The following HRH4 variants were observed in gnomAD, a reference collection of about 807,000 sequenced individuals.
HRH4 encodes histamine H4 receptor.
A neutral mutation model predicts 10.4 loss-of-function variants in HRH4; 12 were observed. The ratio of observed to expected loss-of-function variants is 1.15; its 90% confidence interval spans 0.74 to 1.87. HRH4 has a LOEUF of 1.87. Ranked by LOEUF, HRH4 falls within the 40% of genes most tolerant of loss-of-function variation. HRH4 has a pLI of 0.00. For synonymous variants in HRH4, 154 were observed against 166.6 expected (o/e 0.92, Z 0.58); for missense variants, 415 against 453.3 (o/e 0.92, Z 0.77).
chr18:24,475,993 C>T (rs1023713273), intron 2 of HRH4, among the ~76,000 whole-genome samples: 2 of 151,872 alleles, frequency 1.3e-5, no homozygotes, highest in Non-Finnish European at 2.9e-5. Context: ...GGGTGACAAG[C>T]GTGAAACTGT....
chr18:24,474,393 G>T (rs180954322), intron 2 of HRH4, among the ~76,000 whole-genome samples: 40 of 151,376 alleles, frequency 2.6e-4, no homozygotes, highest in Admixed American at 1.4e-3. Context: ...CAGTTAAAAA[G>T]AAAACTTAGT....
rs182057608 is a variant in HRH4, at chr18:24,475,116, A to G, written c.358-1631A>G. On this transcript the variant is annotated intron_variant, in intron 2 of 2. Coordinates refer to ENST00000256906, the MANE Select transcript of HRH4 (RefSeq NM_021624.4). ...AGAAGACATTATTAAAGATTTCAGG[A>G]TTGACATAAGGATTGTGGGTCCTGT... 3.4e-4 allele frequency among the ~76,000 whole-genome samples: 51 copies of G among 152,238 alleles called. 1 individual carries two copies. Among genetic ancestry groups the G allele is most frequent in the Non-Finnish European group, 6.6e-4 (45 of 68,010 alleles).
Position 24,476,821 on chromosome 18 carries a change from CT to C in HRH4, c.434del (p.Leu145Ter). On this transcript the variant is annotated frameshift_variant, in exon 3 of 3. Coordinates refer to ENST00000256906, the MANE Select transcript of HRH4 (RefSeq NM_021624.4). LOFTEE classifies it low-confidence loss of function (END_TRUNC). ...TGGTGGCCGTTTGGGTGCTGGCCTT[CT>C]TAGTGAATGGGCCAATGATTCTAGT... ...LMVAVWVLAFLVNGPMILVSE... is the reference protein window; with the variant it reads ...LMVAVWVLAFXVNGPMILVSE... The C allele has an allele frequency of 6.2e-7, 1 of 1,614,134 alleles. No homozygotes were observed. The highest frequency in any genetic ancestry group is 8.5e-7 in the Non-Finnish European group (1 of 1,180,006).
In HRH4 at chr18:24,477,004, TC is replaced by T; in HGVS notation, c.616del (p.His206IlefsTer11). 2 of 1,614,208 alleles carry T rather than the reference TC, an allele frequency of 1.2e-6. No individual in the cohort carries two copies. The highest frequency in any genetic ancestry group is 1.7e-6 in the Non-Finnish European group (2 of 1,180,030). On this transcript the variant is annotated frameshift_variant, in exon 3 of 3. Transcript: ENST00000256906. LOFTEE classifies it low-confidence loss of function (END_TRUNC). ...TTTATTGGAGCCTGTGGAAGCGTGA[TC>T]ATCTCAGTAGGTGCCAAAGCCATCC... is the stretch of plus-strand genomic sequence containing the variant. ...NIYWSLWKRD[H>X]LSRCQSHPGL...
In HRH4 at chr18:24,479,202, G is replaced by C. The variant is rs1910240172; in HGVS notation, c.*1640G>C. 1 of 151,424 alleles carries C rather than the reference G, an allele frequency of 6.6e-6. No individual in the cohort carries two copies. Among genetic ancestry groups the C allele is most frequent in the Non-Finnish European group, 1.5e-5 (1 of 67,858 alleles). 9.4% of individuals were successfully genotyped at this position (151,424 alleles called of 1,614,324 possible). On this transcript the variant is annotated 3_prime_UTR_variant, in exon 3 of 3. Coordinates refer to ENST00000256906, the MANE Select transcript of HRH4 (RefSeq NM_021624.4). ...TTGGCCAGACTGGTCTCAAACTCCT[G>C]GGCTGAAACAATCCTCCCGCCTTGG...
chr18:24,470,472 A>G (rs1909901949), intron 2 of HRH4, among the ~76,000 whole-genome samples: 1 of 150,164 alleles, frequency 6.7e-6, no homozygotes, highest in South Asian at 2.1e-4. Flanking sequence ...TATTTGCCCA[A>G]ACAGGTGGTG....
At position 24,463,514 on chromosome 18, in the gene HRH4, C is replaced by T. The variant is rs115889243; in HGVS notation, c.193+2593C>T. Among the ~76,000 whole-genome samples, 1,059 of 152,278 alleles carry T rather than the reference C, an allele frequency of 7.0e-3. 17 individuals carry two copies. The highest frequency in any genetic ancestry group is 0.024 in the African/African-American group (983 of 41,552). ...CCTTTTGTCTCAGCCTGGAAGAAGGCGTGGACGTGGTGAGCATGCAGGGCA... is the reference window on the plus strand; with the variant it reads ...CCTTTTGTCTCAGCCTGGAAGAAGGTGTGGACGTGGTGAGCATGCAGGGCA... On this transcript the variant is annotated intron_variant, in intron 1 of 2. Transcript: ENST00000256906.
At chr18:24,462,263 G>A (rs1427105015) in intron 1 of HRH4, among the ~76,000 whole-genome samples, 1 of 152,188 alleles carries the variant, frequency 6.6e-6, no homozygotes, top group Non-Finnish European at 1.5e-5. Flanking sequence ...TCTATAAAGT[G>A]AGGGCCTTTA....
intron 1 of HRH4, among the ~76,000 whole-genome samples, chr18:24,465,008 T>G (rs1909736779): frequency 1.3e-5 from 2 of 152,010 alleles, no homozygotes; most frequent in Admixed American, 1.3e-4. Flanking sequence ...ATTTGAAGCC[T>G]GGGCGTGGTG....
At chr18:24,472,289 G>T (rs963089238) in intron 2 of HRH4, among the ~76,000 whole-genome samples, 1 of 151,980 alleles carries the variant, frequency 6.6e-6, no homozygotes, top group South Asian at 2.1e-4. Flanking sequence ...CAAGTGATCC[G>T]CCCCCCTCAG....
intron 1 of HRH4, among the ~76,000 whole-genome samples, chr18:24,461,345 C>T (rs1442337036): frequency 3.3e-5 from 5 of 151,884 alleles, no homozygotes; most frequent in African/African-American, 4.8e-5. Context: ...CAGAAAATAG[C>T]GTATTCAGAT....
chr18:24,466,767 T>C (rs1909787945), intron 1 of HRH4, among the ~76,000 whole-genome samples: 1 of 152,208 alleles, frequency 6.6e-6, no homozygotes, highest in Non-Finnish European at 1.5e-5. Flanking sequence ...AAAATGGGAA[T>C]TCCTGGAAGT....
At chr18:24,465,842 C>A (rs780897612) in intron 1 of HRH4, among the ~76,000 whole-genome samples, 1 of 152,138 alleles carries the variant, frequency 6.6e-6, no homozygotes, top group African/African-American at 2.4e-5. Context: ...TTTGAACACA[C>A]CTTTCCTCTT....
chr18:24,462,250 A>G (rs1158577248), intron 1 of HRH4, among the ~76,000 whole-genome samples: 1 of 152,170 alleles, frequency 6.6e-6, no homozygotes, highest in Admixed American at 6.5e-5. Flanking sequence ...GATGAAGATG[A>G]AATCTATAAA....
At chr18:24,470,334 A>T (rs140232217) in intron 2 of HRH4, among the ~76,000 whole-genome samples, 1 of 152,176 alleles carries the variant, frequency 6.6e-6, no homozygotes, top group Non-Finnish European at 1.5e-5. Flanking sequence ...CAAGAGCCAG[A>T]TAGCAAATAA....
Position 24,477,115 on chromosome 18 carries a change from A to G in HRH4, c.726A>G (p.Thr242=), listed in dbSNP as rs755813129. ...LSSRRSLSAS[T]EVPASFHSER... is the part of the protein sequence containing the mutation. ...CAAGGAGATCTCTTTCTGCATCGAC[A>G]GAAGTTCCTGCATCCTTTCATTCAG... The change falls in exon 3 of 3, where the codon ACA becomes ACG. Residue 242 remains threonine, a synonymous_variant. Coordinates refer to ENST00000256906, the MANE Select transcript of HRH4 (RefSeq NM_021624.4). The G allele has an allele frequency of 6.2e-7, 1 of 1,614,260 alleles. No homozygotes were observed. Among genetic ancestry groups the G allele is most frequent in the Non-Finnish European group, 8.5e-7 (1 of 1,180,042 alleles).
intron 2 of HRH4, among the ~76,000 whole-genome samples, chr18:24,469,231 A>G (rs1280925105): frequency 1.3e-5 from 2 of 152,244 alleles, no homozygotes; most frequent in African/African-American, 2.4e-5. Flanking sequence ...TTGGATAGAC[A>G]TGACATTCAT....
intron 1 of HRH4, 132 bp from the exon 2 acceptor site, chr18:24,468,656 G>A (rs1257205347): frequency 1.5e-5 from 13 of 876,092 alleles, no homozygotes; most frequent in Non-Finnish European, 2.0e-5. Context: ...GAAATACCGT[G>A]AATTTCTAAA....
chr18:24,473,032 G>A (rs1910019131), intron 2 of HRH4, among the ~76,000 whole-genome samples: 2 of 152,118 alleles, frequency 1.3e-5, no homozygotes, highest in African/African-American at 4.8e-5. Flanking sequence ...GCGGGCGCCT[G>A]TAATCCCAGC....
Sources: gnomAD v4.1 joint callset for allele counts (sites outside exome capture counted in the v4.1 genomes callset) on GRCh38, gnomAD v4.1.1 for gene constraint, MANE v1.5 for transcripts, NCBI Gene and HGNC (gene_info 2026-07-23, HGNC 2026-07-21) for gene names.